CAMK1D: variants seen among roughly 807,000 people sequenced by gnomAD.
The protein encoded by CAMK1D is calcium/calmodulin-dependent protein kinase type 1D.
In CAMK1D, 9 loss-of-function variants were observed where a neutral mutation model predicts 47.7. The ratio of observed to expected loss-of-function variants is 0.19; its 90% confidence interval spans 0.11 to 0.33. The LOEUF is 0.33. Ranked by LOEUF, CAMK1D falls within the 10% of genes least tolerant of loss-of-function variation. The pLI is 1.00. For synonymous variants in CAMK1D, 184 were observed against 184.9 expected, an observed-to-expected ratio of 0.99 and a Z score of 0.04; for missense variants, 291 against 488.7, an observed-to-expected ratio of 0.60 and a Z score of 3.81.
chr10:12,384,477 T>A (rs1838432089), intron 1 of CAMK1D, among the ~76,000 whole-genome samples: 1 of 152,196 alleles, frequency 6.6e-6, no homozygotes, highest in Non-Finnish European at 1.5e-5. Flanking sequence ...GACAGTGTGG[T>A]CCTGGTGTAT....
chr10:12,521,254 T>G (rs1835407534), intron 1 of CAMK1D, among the ~76,000 whole-genome samples: 2 of 152,206 alleles, frequency 1.3e-5, no homozygotes, highest in African/African-American at 4.8e-5. Flanking sequence ...TATAAGCACT[T>G]AATGTCATAC....
intron 3 of CAMK1D, among the ~76,000 whole-genome samples, chr10:12,705,572 C>T (rs758001111): frequency 2.0e-5 from 3 of 152,154 alleles, no homozygotes; most frequent in Non-Finnish European, 4.4e-5. Flanking sequence ...ACGGTGTGTT[C>T]GTATAAAGTA....
At chr10:12,413,767 ATTGT>A (rs1188646689) in intron 1 of CAMK1D, among the ~76,000 whole-genome samples, 2 of 152,052 alleles carry the variant, frequency 1.3e-5, no homozygotes, top group African/African-American at 2.4e-5. Context: ...AAACTTTGCC[ATTGT>A]TTGTTTGAAA....
chr10:12,427,243 G>A (rs75346809), intron 1 of CAMK1D, among the ~76,000 whole-genome samples: 4,940 of 152,298 alleles, frequency 0.032, 80 homozygotes, highest in Middle Eastern at 0.051. Flanking sequence ...ACTGATTCCA[G>A]AGGGTGGGTA....
At chr10:12,792,714 G>C (rs60206116) in intron 6 of CAMK1D, among the ~76,000 whole-genome samples, 4,806 of 152,258 alleles carry the variant, frequency 0.032, 263 homozygotes, top group African/African-American at 0.11. Flanking sequence ...GATTCTTGTC[G>C]TTATCACAGG....
At chr10:12,825,530 T>C (rs1481610657) in intron 9 of CAMK1D, 43 bp from the exon 10 acceptor site, 18 of 1,586,404 alleles carry the variant, frequency 1.1e-5, no homozygotes, top group Non-Finnish European at 1.5e-5. Context: ...CTTTTCCGAT[T>C]AGCTGAAATA....
Position 12,553,276 on chromosome 10 carries a change from C to G in CAMK1D, c.144C>G (p.Leu48=), listed in dbSNP as rs1238296104. 1.9e-6 allele frequency: 3 copies of G among 1,614,080 alleles called. No individual in the cohort carries two copies. The highest frequency in any genetic ancestry group is 2.2e-5 in the East Asian group (1 of 44,890). The change falls in exon 2 of 11, where the codon CTC becomes CTG. Residue 48 remains leucine, a synonymous_variant. Transcript: ENST00000619168. ...CTGAAGAGAAGGCAACTGGCAAGCT[C>G]TTTGCTGTGAAGTGTATCCCTAAGA... ...VLAEEKATGK[L]FAVKCIPKKA...
At chr10:12,548,555 C>T (rs1359049520) in intron 1 of CAMK1D, among the ~76,000 whole-genome samples, 1 of 150,192 alleles carries the variant, frequency 6.7e-6, no homozygotes, top group Non-Finnish European at 1.5e-5. Context: ...GCCTTGACCT[C>T]CCGGGCCCAA....
chr10:12,703,462 C>T (rs1017636540), intron 3 of CAMK1D, among the ~76,000 whole-genome samples: 5 of 152,218 alleles, frequency 3.3e-5, no homozygotes, highest in Non-Finnish European at 5.9e-5. Context: ...AGGTCAACTG[C>T]TAATACCTTA....
chr10:12,552,953 G>A (rs1384937877), intron 1 of CAMK1D, among the ~76,000 whole-genome samples: 1 of 152,156 alleles, frequency 6.6e-6, no homozygotes, highest in African/African-American at 2.4e-5. Context: ...ATGTTGGCCA[G>A]GCTGGTCTTA....
intron 4 of CAMK1D, among the ~76,000 whole-genome samples, chr10:12,762,097 CAA>C (rs1836538744): frequency 6.6e-6 from 1 of 152,168 alleles, no homozygotes; most frequent in South Asian, 2.1e-4. Flanking sequence ...CATATGGTAC[CAA>C]AGGTAGGTAT....
chr10:12,390,311 ATCC>A, intron 1 of CAMK1D, among the ~76,000 whole-genome samples: 1 of 152,162 alleles, frequency 6.6e-6, no homozygotes, highest in East Asian at 1.9e-4. Context: ...GCCTCAAGTG[ATCC>A]TCCTGTCTCA....
intron 2 of CAMK1D, among the ~76,000 whole-genome samples, chr10:12,605,815 G>A (rs1473123585): frequency 1.3e-5 from 2 of 152,158 alleles, no homozygotes; most frequent in Admixed American, 1.3e-4. Flanking sequence ...GAGAGCCCTC[G>A]GAAACAGGAG....
chr10:12,358,317 C>G (rs1272754054), intron 1 of CAMK1D, among the ~76,000 whole-genome samples: 1 of 152,186 alleles, frequency 6.6e-6, no homozygotes, highest in Non-Finnish European at 1.5e-5. Flanking sequence ...GCGAGTGGAT[C>G]ACCTGAGGTC....
chr10:12,449,439 A>T (rs1833016521), intron 1 of CAMK1D, among the ~76,000 whole-genome samples: 2 of 144,520 alleles, frequency 1.4e-5, no homozygotes, highest in South Asian at 4.4e-4. Flanking sequence ...CCAGCTGTTT[A>T]AAAAAAAAAA....
chr10:12,786,051 A>G (rs745913396), intron 5 of CAMK1D, among the ~76,000 whole-genome samples: 18 of 152,200 alleles, frequency 1.2e-4, no homozygotes, highest in Non-Finnish European at 2.9e-5. Flanking sequence ...GAGATGAAAA[A>G]TAGCTATTTG....
At chr10:12,471,257 C>G (rs1833738072) in intron 1 of CAMK1D, among the ~76,000 whole-genome samples, 2 of 152,192 alleles carry the variant, frequency 1.3e-5, no homozygotes, top group South Asian at 2.1e-4. Context: ...TCTGGATCAG[C>G]CCCTGGTCTG....
intron 1 of CAMK1D, among the ~76,000 whole-genome samples, chr10:12,371,210 C>T (rs1192358329): frequency 6.6e-6 from 1 of 152,098 alleles, no homozygotes; most frequent in East Asian, 1.9e-4. Context: ...CACTCACTCA[C>T]TCACCCAGGG....
chr10:12,527,385 C>A (rs759031121), intron 1 of CAMK1D, among the ~76,000 whole-genome samples: 1 of 114,350 alleles, frequency 8.7e-6, no homozygotes, highest in South Asian at 3.1e-4. Context: ...GAGGGAGTGT[C>A]GCTCTGTTGC....
Sources: allele counts gnomAD v4.1 joint callset (sites outside exome capture counted in the v4.1 genomes callset), GRCh38; gene constraint gnomAD v4.1.1; transcripts MANE v1.5; gene names NCBI Gene and HGNC (gene_info 2026-07-23, HGNC 2026-07-21).